MRTFB: variants seen among roughly 807,000 people sequenced by gnomAD.
MRTFB encodes myocardin-related transcription factor B.
A neutral mutation model predicts 104.2 loss-of-function variants in MRTFB; 29 were observed. That is an observed-to-expected ratio of 0.28 (90% CI 0.21 to 0.38). The LOEUF is 0.38. Ranked by LOEUF, MRTFB falls within the 10% of genes least tolerant of loss-of-function variation. MRTFB has a pLI of 1.00. For synonymous variants in MRTFB, 535 were observed against 519.5 expected (o/e 1.03, Z -0.41); for missense variants, 1,270 against 1,341.6 (o/e 0.95, Z 0.83).
the MRTFB span, among the ~76,000 whole-genome samples, chr16:13,999,283 A>G: frequency 1.2e-4 from 19 of 152,072 alleles, no homozygotes; most frequent in South Asian, 2.3e-3. Flanking sequence ...ACCATATAAC[A>G]GGTCGCTGCT....
At chr16:14,031,166 A>G in the MRTFB span, among the ~76,000 whole-genome samples, 38 of 152,288 alleles carry the variant, frequency 2.5e-4, 1 homozygote, top group African/African-American at 7.9e-4. Context: ...CCAAGGAGGG[A>G]GAATCACTTG....
intron 3 of MRTFB, among the ~76,000 whole-genome samples, chr16:14,159,168 A>G (rs1270938910): frequency 6.6e-6 from 1 of 151,436 alleles, no homozygotes; most frequent in Non-Finnish European, 1.5e-5. Flanking sequence ...AGAAAGAAAA[A>G]CTCATTCTTC....
At chr16:13,996,011 C>T in the MRTFB span, among the ~76,000 whole-genome samples, 1 of 152,168 alleles carries the variant, frequency 6.6e-6, no homozygotes, top group Non-Finnish European at 1.5e-5. Flanking sequence ...GTGGCTCATG[C>T]CTGTAATCCT....
At chr16:14,243,143 T>A (rs1372405772) in intron 10 of MRTFB, among the ~76,000 whole-genome samples, 1 of 152,230 alleles carries the variant, frequency 6.6e-6, no homozygotes, top group African/African-American at 2.4e-5. Flanking sequence ...TTCATAACTC[T>A]GAGATTTTAC....
the MRTFB span, among the ~76,000 whole-genome samples, chr16:14,036,746 C>T: frequency 3.3e-5 from 5 of 151,834 alleles, no homozygotes. Context: ...TGGAATCTGG[C>T]CTGGGGTAGG....
At chr16:14,224,364 C>T (rs1202265347) in intron 8 of MRTFB, among the ~76,000 whole-genome samples, 1 of 152,118 alleles carries the variant, frequency 6.6e-6, no homozygotes, top group South Asian at 2.1e-4. Flanking sequence ...CTACAGTGTG[C>T]CTTTACAGTG....
intron 15 of MRTFB, among the ~76,000 whole-genome samples, chr16:14,257,353 G>C (rs2043540055): frequency 6.6e-6 from 1 of 152,062 alleles, no homozygotes; most frequent in Non-Finnish European, 1.5e-5. Flanking sequence ...CCATCCACAA[G>C]TCAATGAATA....
At chr16:14,024,301 A>C in the MRTFB span, among the ~76,000 whole-genome samples, 3 of 152,368 alleles carry the variant, frequency 2.0e-5, no homozygotes, top group Non-Finnish European at 4.4e-5. Context: ...GTCATCAAGC[A>C]TGCATTTTAT....
chr16:14,264,788 A>C lies in MRTFB; in HGVS notation c.*3344A>C, dbSNP rs1312470968. ...ATGAGATAGCACCTCTGAACTGTGC[A>C]GTCAGCATACCCTGAGTGATGGCTC... On this transcript the variant is annotated 3_prime_UTR_variant, in exon 17 of 17. Coordinates refer to ENST00000571589, the MANE Select transcript of MRTFB (RefSeq NM_001308142.2). 1 of 152,194 alleles carries C rather than the reference A, an allele frequency of 6.6e-6. No homozygotes were observed. Among genetic ancestry groups the C allele is most frequent in the Non-Finnish European group, 1.5e-5 (1 of 68,046 alleles). The allele number at this position is 152,194 out of a possible 1,614,324, so 9.4% of individuals were successfully genotyped here. A position where few individuals can be genotyped will look rare whatever the true frequency, so the allele number is the denominator to read the frequency against.
chr16:14,080,871 G>A (rs1274708410), intron 2 of MRTFB, among the ~76,000 whole-genome samples: 1 of 152,198 alleles, frequency 6.6e-6, no homozygotes, highest in East Asian at 1.9e-4. Flanking sequence ...ACTCCGTTGT[G>A]TATATATACC....
intron 2 of MRTFB, among the ~76,000 whole-genome samples, chr16:14,120,700 G>C (rs1335656001): frequency 6.6e-6 from 1 of 152,166 alleles, no homozygotes; most frequent in Non-Finnish European, 1.5e-5. Context: ...TTTATATATT[G>C]ATACATTATG....
chr16:14,029,445 T>TATATACATAC, the MRTFB span, among the ~76,000 whole-genome samples: 1 of 85,960 alleles, frequency 1.2e-5, no homozygotes, highest in East Asian at 2.8e-4. Flanking sequence ...TATATATATA[T>TATATACATAC]ACACACACAC....
intron 3 of MRTFB, chr16:14,191,696 ATATAATT>A (rs1453689042): frequency 1.3e-5 from 2 of 152,206 alleles, no homozygotes; most frequent in Non-Finnish European, 2.9e-5. Context: ...TCACCTTCAG[ATATAATT>A]TATAATTCCA....
chr16:14,218,302 AC>A (rs2041518527), intron 7 of MRTFB, among the ~76,000 whole-genome samples: 1 of 151,162 alleles, frequency 6.6e-6, no homozygotes, highest in African/African-American at 2.4e-5. Context: ...CTCATGATCC[AC>A]CCGCCTCAGC....
At chr16:14,118,286 G>A (rs980462885) in intron 2 of MRTFB, among the ~76,000 whole-genome samples, 4 of 151,552 alleles carry the variant, frequency 2.6e-5, no homozygotes, top group African/African-American at 4.8e-5. Context: ...ACAGGCACAC[G>A]CCACCACACC....
chr16:14,156,162 A>G lies in MRTFB; in HGVS notation c.154+15402A>G, dbSNP rs562286355. Among the ~76,000 whole-genome samples the G allele has an allele frequency of 1.6e-4, 24 of 152,284 alleles. 1 individual carries two copies. In the East Asian group the frequency reaches 4.4e-3, roughly 28 times the overall value. On this transcript the variant is annotated intron_variant, in intron 3 of 16. Transcript: ENST00000571589. ...ACCTGTTTGCCAATGTGTGAAAGCA[A>G]TTGTTTCATGTATTTTGCCCAGTTT...
At chr16:14,056,721 A>T in the MRTFB span, among the ~76,000 whole-genome samples, 4 of 152,162 alleles carry the variant, frequency 2.6e-5, no homozygotes, top group Admixed American at 6.5e-5. Flanking sequence ...TTGAGAATAT[A>T]TTATGTATAC....
intron 1 of MRTFB, among the ~76,000 whole-genome samples, chr16:14,078,905 A>G (rs1432410765): frequency 2.0e-5 from 3 of 152,278 alleles, no homozygotes; most frequent in Middle Eastern, 3.4e-3. Context: ...AGTGCTAAGA[A>G]TTGGGTACTG....
chr16:14,048,574 T>A, the MRTFB span, among the ~76,000 whole-genome samples: 1 of 152,166 alleles, frequency 6.6e-6, no homozygotes, highest in African/African-American at 2.4e-5. Flanking sequence ...GGCCAGAGTG[T>A]GCAGGGCCTT....
Sources: allele counts gnomAD v4.1 joint callset (sites outside exome capture counted in the v4.1 genomes callset), GRCh38; gene constraint gnomAD v4.1.1; transcripts MANE v1.5; gene names NCBI Gene and HGNC (gene_info 2026-07-23, HGNC 2026-07-21).